Variants in DGKI observed in about 807,000 individuals in gnomAD.
The protein encoded by DGKI is diacylglycerol kinase iota, also known as DAG kinase iota.
DGKI carries 55 observed loss-of-function variants against 147.5 expected under a neutral mutation model. The ratio of observed to expected loss-of-function variants is 0.37; its 90% CI spans 0.30 to 0.47. The LOEUF is 0.47. DGKI is among the 20% of genes least tolerant of loss of function. The pLI is 1.00. For missense variants in DGKI, 1,007 were observed against 1,323.8 expected, an observed-to-expected ratio of 0.76 and a Z score of 3.71; for synonymous variants, 469 against 477.1, an observed-to-expected ratio of 0.98 and a Z score of 0.22.
chr7:137,708,697 A>G (rs1408147541), intron 1 of DGKI, among the ~76,000 whole-genome samples: 1 of 152,170 alleles, frequency 6.6e-6, no homozygotes, highest in African/African-American at 2.4e-5. Context: ...TTAGCTTATG[A>G]TCTCAGGGGA....
At chr7:137,605,078 C>A (rs570491921) in intron 10 of DGKI, among the ~76,000 whole-genome samples, 1 of 151,998 alleles carries the variant, frequency 6.6e-6, no homozygotes, top group Non-Finnish European at 1.5e-5. Context: ...GAGGCCAAGG[C>A]GGGCAGATCA....
chr7:137,654,794 A>G lies in DGKI; in HGVS notation c.682-6T>C, dbSNP rs1412231977. Reference sequence around the variant, plus strand: ...GGTTTACATCTGAAATTAATCTGTCATTCAAAAAGAAAAGTATATTATATT... The same window carrying G: ...GGTTTACATCTGAAATTAATCTGTCGTTCAAAAAGAAAAGTATATTATATT... On this transcript the variant is annotated splice_region_variant and splice_polypyrimidine_tract_variant and intron_variant, in intron 4 of 32. Coordinates refer to ENST00000614521, the MANE Select transcript of DGKI (RefSeq NM_001321708.2). 1.3e-6 allele frequency: 2 copies of G among 1,588,004 alleles called. No homozygotes were observed. The highest frequency in any genetic ancestry group is 1.7e-6 in the Non-Finnish European group (2 of 1,157,372).
intron 17 of DGKI, among the ~76,000 whole-genome samples, chr7:137,573,893 C>A (rs1367734384): frequency 6.6e-6 from 1 of 152,186 alleles, no homozygotes; most frequent in Non-Finnish European, 1.5e-5. Flanking sequence ...TTCTCATTTC[C>A]CACTGGTGAC....
At chr7:137,630,928 T>C (rs969976288) in intron 6 of DGKI, among the ~76,000 whole-genome samples, 4 of 152,190 alleles carry the variant, frequency 2.6e-5, no homozygotes, top group Non-Finnish European at 5.9e-5. Flanking sequence ...GATTAACTCA[T>C]AATAAACTTA....
chr7:137,846,610 C>T lies in DGKI; in HGVS notation c.253G>A (p.Gly85Ser). 1 of 1,098,568 alleles carries T rather than the reference C, an allele frequency of 9.1e-7. No individual in the cohort carries two copies. Among genetic ancestry groups the T allele is most frequent in the African/African-American group, 1.7e-5 (1 of 59,506 alleles). 68.1% of individuals were successfully genotyped at this position (1,098,568 alleles called of 1,614,324 possible). A position where few individuals can be genotyped will look rare whatever the true frequency, so the allele number is the denominator to read the frequency against. Residue 85 changes from glycine to serine, a missense_variant, in exon 1 of 33, where the codon GGC becomes AGC. Physicochemically the swap from Gly to Ser is moderately conservative, Grantham distance 56. Coordinates refer to ENST00000614521, the MANE Select transcript of DGKI (RefSeq NM_001321708.2). This position sits in a 1 kb window ranked among gnomAD's most constrained non-coding sequence, Gnocchi z 4.0. ...CCTGCGCCCCGCGGGTCCGCGCCGCCCTCGGCGCCCAGGCAGCAGCTCCCG... is the reference window on the plus strand; with the variant it reads ...CCTGCGCCCCGCGGGTCCGCGCCGCTCTCGGCGCCCAGGCAGCAGCTCCCG... ...GAGSCCLGAE[G>S]GADPRGAGSA...
chr7:137,521,043 T>C (rs184311862), intron 21 of DGKI, among the ~76,000 whole-genome samples: 1 of 152,076 alleles, frequency 6.6e-6, no homozygotes, highest in Non-Finnish European at 1.5e-5. Flanking sequence ...GGACACCAGT[T>C]TTCCTTATCT....
intron 21 of DGKI, among the ~76,000 whole-genome samples, chr7:137,516,476 A>C (rs1344205157): frequency 6.6e-6 from 1 of 152,006 alleles, no homozygotes; most frequent in African/African-American, 2.4e-5. Context: ...TCTTTCTTTC[A>C]TTATTTAAAT....
intron 21 of DGKI, among the ~76,000 whole-genome samples, chr7:137,493,303 T>C (rs143761642): frequency 3.9e-5 from 6 of 152,292 alleles, no homozygotes; most frequent in Admixed American, 6.5e-5. Flanking sequence ...CACTTGCAAA[T>C]GCCTGTATGG....
chr7:137,630,654 A>C (rs1329413145), intron 6 of DGKI, among the ~76,000 whole-genome samples: 2 of 152,212 alleles, frequency 1.3e-5, no homozygotes, highest in Non-Finnish European at 2.9e-5. Context: ...ACTGATGTAC[A>C]TTTTAATTTA....
At chr7:137,649,569 G>A (rs1821950034) in intron 5 of DGKI, among the ~76,000 whole-genome samples, 1 of 151,914 alleles carries the variant, frequency 6.6e-6, no homozygotes, top group Admixed American at 6.6e-5. Context: ...AGTATTGTTA[G>A]CAAAAATACA....
chr7:137,457,704 A>G (rs1025766491), intron 27 of DGKI, among the ~76,000 whole-genome samples: 3 of 152,206 alleles, frequency 2.0e-5, no homozygotes, highest in Non-Finnish European at 4.4e-5. Flanking sequence ...TTGAGCACAC[A>G]TAGCATATGG....
At chr7:137,657,295 A>G (rs1278038815) in intron 3 of DGKI, among the ~76,000 whole-genome samples, 1 of 152,234 alleles carries the variant, frequency 6.6e-6, no homozygotes, top group Non-Finnish European at 1.5e-5. Flanking sequence ...AAAACTGCCC[A>G]AGGTCAGTGA....
Position 137,389,721 on chromosome 7 carries a change from G to A in DGKI, c.*1499C>T, listed in dbSNP as rs1451008146. ...TAGGGATCACAGAGTCCCTAAGAGA[G>A]GTACCTGTAAGTACCATTCGATCCG... is the stretch of plus-strand genomic sequence containing the variant. On this transcript the variant is annotated 3_prime_UTR_variant, in exon 33 of 33. Transcript: ENST00000614521. 6.6e-6 allele frequency: 1 copy of A among 152,108 alleles called. No individual in the cohort carries two copies. The highest frequency in any genetic ancestry group is 1.9e-4 in the East Asian group (1 of 5,194). 9.4% of individuals were successfully genotyped at this position (152,108 alleles called of 1,614,324 possible).
intron 28 of DGKI, among the ~76,000 whole-genome samples, chr7:137,432,280 T>G (rs1156697431): frequency 1.3e-5 from 2 of 152,194 alleles, no homozygotes; most frequent in African/African-American, 4.8e-5. Context: ...AATACACAAG[T>G]CATTCTGTGT....
intron 2 of DGKI, among the ~76,000 whole-genome samples, chr7:137,683,366 G>GTGTT (rs3083597): frequency 0.37 from 54,641 of 149,290 alleles, 10,229 homozygotes; most frequent in South Asian, 0.47. Context: ...CTTTTTGTTT[G>GTGTT]TGTTTGTTTG....
chr7:137,607,853 G>T (rs1033016667), intron 10 of DGKI, among the ~76,000 whole-genome samples: 3 of 152,252 alleles, frequency 2.0e-5, no homozygotes, highest in Non-Finnish European at 4.4e-5. Context: ...AAAAATGCAG[G>T]ACTTGAAAAC....
At chr7:137,547,469 G>T (rs1221754907) in intron 20 of DGKI, among the ~76,000 whole-genome samples, 9 of 152,182 alleles carry the variant, frequency 5.9e-5, no homozygotes, top group Admixed American at 5.9e-4. Flanking sequence ...GTGGACCATA[G>T]CTTGAAATTA....
At chr7:137,677,248 GTC>G (rs1272318117) in intron 3 of DGKI, among the ~76,000 whole-genome samples, 4 of 152,228 alleles carry the variant, frequency 2.6e-5, no homozygotes, top group Admixed American at 1.3e-4. Context: ...TTAATTACAG[GTC>G]TAGAAACAAA....
intron 30 of DGKI, among the ~76,000 whole-genome samples, chr7:137,400,473 C>A (rs186765962): frequency 1.6e-4 from 24 of 152,344 alleles, no homozygotes; most frequent in Admixed American, 1.4e-3. Flanking sequence ...AGCCTCTATG[C>A]AAGTGAGGGG....
Sources: gnomAD v4.1 joint callset for allele counts (sites outside exome capture counted in the v4.1 genomes callset) on GRCh38, gnomAD v4.1.1 for gene constraint, Gnocchi (gnomAD v3.1) non-coding constraint, MANE v1.5 for transcripts, NCBI Gene and HGNC (gene_info 2026-07-23, HGNC 2026-07-21) for gene names.